MEGF10: variants seen among roughly 807,000 people sequenced by gnomAD.
MEGF10 encodes multiple epidermal growth factor-like domains protein 10.
A neutral mutation model predicts 147.5 loss-of-function variants in MEGF10; 86 were observed. That is an observed-to-expected ratio of 0.58 (90% CI 0.49 to 0.70). The LOEUF is 0.70. MEGF10 is among the 30% of genes least tolerant of loss of function. The pLI is 0.00. For missense variants in MEGF10, 1,329 were observed against 1,487.3 expected (o/e 0.89, Z 1.75); for synonymous variants, 478 against 525.5 (o/e 0.91, Z 1.24).
intron 1 of MEGF10, among the ~76,000 whole-genome samples, chr5:127,296,917 A>G (rs1759527673): frequency 6.6e-6 from 1 of 152,194 alleles, no homozygotes; most frequent in Non-Finnish European, 1.5e-5. Context: ...TTCTTTAAAA[A>G]AGTAATAGGT....
intron 5 of MEGF10, among the ~76,000 whole-genome samples, chr5:127,389,875 A>G (rs1202430626): frequency 6.6e-6 from 1 of 152,108 alleles, no homozygotes; most frequent in Non-Finnish European, 1.5e-5. Context: ...CCCCCATGAC[A>G]TGAGTTTACC....
intron 1 of MEGF10, among the ~76,000 whole-genome samples, chr5:127,322,762 A>C (rs1167994967): frequency 6.6e-6 from 1 of 152,204 alleles, no homozygotes; most frequent in Non-Finnish European, 1.5e-5. Flanking sequence ...CTATGGATTA[A>C]ATTGGTACTA....
intron 2 of MEGF10, among the ~76,000 whole-genome samples, chr5:127,338,793 C>T (rs975820127): frequency 1.3e-5 from 2 of 152,016 alleles, no homozygotes; most frequent in Non-Finnish European, 1.5e-5. Flanking sequence ...ATGCTTTGAG[C>T]CCTGGGGTAA....
the MEGF10 span, among the ~76,000 whole-genome samples, chr5:127,258,748 C>G: frequency 6.6e-6 from 1 of 152,172 alleles, no homozygotes; most frequent in Non-Finnish European, 1.5e-5. Flanking sequence ...CTCCTGTCCT[C>G]TTTTTGTCCT....
intron 1 of MEGF10, among the ~76,000 whole-genome samples, chr5:127,310,697 G>A (rs1000542404): frequency 6.6e-6 from 1 of 152,120 alleles, no homozygotes; most frequent in Non-Finnish European, 1.5e-5. Context: ...GATCACAAAG[G>A]CTCATTTATG....
intron 1 of MEGF10, among the ~76,000 whole-genome samples, chr5:127,306,901 C>G (rs897991346): frequency 6.6e-6 from 1 of 152,152 alleles, no homozygotes; most frequent in Non-Finnish European, 1.5e-5. Flanking sequence ...TACTCATGAG[C>G]CAAGCTTAGC....
At position 127,422,670 on chromosome 5, in the gene MEGF10, G is replaced by A. The variant is rs1765058421; in HGVS notation, c.1591G>A (p.Asp531Asn). The A allele has an allele frequency of 1.2e-6, 2 of 1,613,466 alleles. No homozygotes were observed. Among genetic ancestry groups the A allele is most frequent in the Non-Finnish European group, 1.7e-6 (2 of 1,179,540 alleles). ...RGEKCELPCQ[D>N]GTYGLNCAER... Reference sequence around the variant, plus strand: ...GCCTTTGATGCTGTTTTCCATGCAGGATGGCACGTACGGGCTGAACTGTGC... The same window carrying A: ...GCCTTTGATGCTGTTTTCCATGCAGAATGGCACGTACGGGCTGAACTGTGC... Residue 531 changes from aspartate to asparagine, a missense_variant and splice_region_variant, in exon 13 of 25, where the codon GAT (aspartate) becomes AAT (asparagine). Coordinates refer to ENST00000503335, the MANE Select transcript of MEGF10 (RefSeq NM_001256545.2).
the MEGF10 span, among the ~76,000 whole-genome samples, chr5:127,275,817 A>G: frequency 6.6e-6 from 1 of 152,242 alleles, no homozygotes; most frequent in African/African-American, 2.4e-5. Context: ...GTTGACACCG[A>G]GAGTAGACTG....
chr5:127,365,276 T>C lies in MEGF10; in HGVS notation c.320-4634T>C, dbSNP rs1762614082. On this transcript the variant is annotated intron_variant, in intron 4 of 24. Transcript: ENST00000503335. ...CAATGGTATATACTCTCTTTAGAGA[T>C]ATAATTGATTTATAAAGAAGGCTTT... Among the ~76,000 whole-genome samples the C allele has an allele frequency of 2.6e-5, 4 of 152,232 alleles. No homozygotes were observed. The South Asian group carries it at 8.3e-4, about 31-fold the overall frequency.
At chr5:127,430,676 G>C (rs1765361886) in intron 13 of MEGF10, among the ~76,000 whole-genome samples, 1 of 152,138 alleles carries the variant, frequency 6.6e-6, no homozygotes, top group African/African-American at 2.4e-5. Context: ...TAACTAGGAG[G>C]GCACAGAGGG....
At chr5:127,276,700 C>G in the MEGF10 span, among the ~76,000 whole-genome samples, 1 of 152,120 alleles carries the variant, frequency 6.6e-6, no homozygotes, top group African/African-American at 2.4e-5. Context: ...TCTCTTCATG[C>G]TTGAGATACA....
At chr5:127,364,400 T>G (rs914972717) in intron 4 of MEGF10, among the ~76,000 whole-genome samples, 1 of 152,214 alleles carries the variant, frequency 6.6e-6, no homozygotes, top group African/African-American at 2.4e-5. Context: ...GAAACCTCTC[T>G]TATTATCCCT....
At chr5:127,245,527 C>G in the MEGF10 span, among the ~76,000 whole-genome samples, 3 of 152,140 alleles carry the variant, frequency 2.0e-5, no homozygotes, top group Non-Finnish European at 4.4e-5. Context: ...CTAGGCAATA[C>G]CATTCAGGAC....
At chr5:127,284,761 A>G in the MEGF10 span, among the ~76,000 whole-genome samples, 1 of 152,204 alleles carries the variant, frequency 6.6e-6, no homozygotes, top group African/African-American at 2.4e-5. Context: ...TTAAGTGGGA[A>G]GAAGGTAAAC....
chr5:127,309,984 T>TCTTA lies in MEGF10; in HGVS notation c.-19+18931_-19+18932insACTT, dbSNP rs1760201203. Among the ~76,000 whole-genome samples the TCTTA allele has an allele frequency of 7.9e-5, 6 of 76,316 alleles. 1 individual carries two copies. In the South Asian group the frequency reaches 2.2e-3, roughly 28 times the overall value. The allele number at this position is 76,316 out of a possible 152,430, so 50.1% of individuals were successfully genotyped here. A position where few individuals can be genotyped will look rare whatever the true frequency, so the allele number is the denominator to read the frequency against. ...TTCTTTCTTTCTTTCTTTCTTTCTT[T>TCTTA]CTTTCTTTCTTTCCTTCCTTCCTTC... On this transcript the variant is annotated intron_variant, in intron 1 of 24. Coordinates refer to ENST00000503335, the MANE Select transcript of MEGF10 (RefSeq NM_001256545.2).
chr5:127,369,745 G>A (rs572896833), intron 4 of MEGF10, among the ~76,000 whole-genome samples, 165 bp from the exon 5 acceptor site: 23 of 152,272 alleles, frequency 1.5e-4, no homozygotes. Context: ...GAATTGTTTG[G>A]TCCTACAGCA....
chr5:127,367,225 G>GA (rs527629423), intron 4 of MEGF10, among the ~76,000 whole-genome samples: 11 of 152,078 alleles, frequency 7.2e-5, no homozygotes, highest in African/African-American at 2.4e-4. Context: ...GATAAAAAGT[G>GA]AAAAAAATGA....
At chr5:127,268,309 A>G in the MEGF10 span, among the ~76,000 whole-genome samples, 1 of 152,180 alleles carries the variant, frequency 6.6e-6, no homozygotes, top group Non-Finnish European at 1.5e-5. Context: ...CTGTTCTTTT[A>G]CATTTGCTGA....
upstream of MEGF10, among the ~76,000 whole-genome samples, chr5:127,290,072 T>G (rs1245486620): frequency 1.3e-5 from 2 of 152,164 alleles, no homozygotes; most frequent in Non-Finnish European, 2.9e-5. Context: ...TAACATTCCA[T>G]CACTGGGCCT....
Sources: gnomAD v4.1 joint callset for allele counts (sites outside exome capture counted in the v4.1 genomes callset) on GRCh38, gnomAD v4.1.1 for gene constraint, MANE v1.5 for transcripts, NCBI Gene and HGNC (gene_info 2026-07-23, HGNC 2026-07-21) for gene names.